Variants in SCOC observed in about 807,000 individuals in gnomAD.
SCOC encodes short coiled-coil protein.
SCOC carries 7 observed loss-of-function variants against 9.9 expected under a neutral mutation model. The observed-to-expected ratio is 0.71, with a 90% CI of 0.40 to 1.33. SCOC has a LOEUF of 1.33. Ranked by LOEUF, SCOC falls within the 40% of genes most tolerant of loss-of-function variation. SCOC has a pLI of 0.01. For missense variants in SCOC, 66 were observed against 89.7 expected (o/e 0.74, Z 1.07); for synonymous variants, 19 against 28.2 (o/e 0.67, Z 1.03).
At chr4:140,315,562 C>T (rs753474066) in intron 1 of SCOC, among the ~76,000 whole-genome samples, 1 of 152,200 alleles carries the variant, frequency 6.6e-6, no homozygotes, top group Non-Finnish European at 1.5e-5. Context: ...CAGGATATTT[C>T]TGTTCCCAGT....
chr4:140,373,393 G>A (rs1382418046), upstream of SCOC: 16 of 1,461,072 alleles, frequency 1.1e-5, no homozygotes, highest in South Asian at 7.1e-5. Flanking sequence ...GCTTAGCTTC[G>A]CTTCTTTACT....
intron 1 of SCOC, among the ~76,000 whole-genome samples, chr4:140,326,903 T>C (rs1403391855): frequency 6.6e-6 from 1 of 152,206 alleles, no homozygotes; most frequent in Non-Finnish European, 1.5e-5. Flanking sequence ...TCCTGAGGCC[T>C]GTGGTCTAGT....
intron 1 of SCOC, among the ~76,000 whole-genome samples, chr4:140,304,504 C>T (rs958878331): frequency 6.6e-6 from 1 of 152,108 alleles, no homozygotes. Context: ...CACAAAGAGG[C>T]CTGTTGCGAT....
intron 1 of SCOC, among the ~76,000 whole-genome samples, chr4:140,309,407 G>A (rs2126464778): frequency 6.6e-6 from 1 of 152,280 alleles, no homozygotes; most frequent in Non-Finnish European, 1.5e-5. Flanking sequence ...TGGGAAGTGT[G>A]CTGGAGAAGT....
At chr4:140,370,597 AATT>A (rs749837686), upstream of SCOC, among the ~76,000 whole-genome samples, 3 of 152,186 alleles carry the variant, frequency 2.0e-5, no homozygotes, top group Non-Finnish European at 4.4e-5. Flanking sequence ...TGTATACTTA[AATT>A]ATCTGTATAG....
intron 2 of SCOC, chr4:140,366,277 GAGCTTT>G: frequency 2.9e-6 from 4 of 1,382,542 alleles, no homozygotes; most frequent in South Asian, 1.8e-5. Flanking sequence ...TTCTGGGCTG[GAGCTTT>G]TTGACCCTTC....
At chr4:140,264,586 G>A (rs1270460059) in intron 1 of SCOC, among the ~76,000 whole-genome samples, 1 of 152,122 alleles carries the variant, frequency 6.6e-6, no homozygotes, top group African/African-American at 2.4e-5. Flanking sequence ...CATTGGCAGG[G>A]ACTTCTTTTG....
chr4:140,330,649 T>C (rs1282865890), intron 1 of SCOC, among the ~76,000 whole-genome samples: 1 of 152,190 alleles, frequency 6.6e-6, no homozygotes, highest in African/African-American at 2.4e-5. Flanking sequence ...TGAAAATTTA[T>C]TGAAGTCAGA....
At chr4:140,282,063 T>C (rs1251868634) in intron 1 of SCOC, among the ~76,000 whole-genome samples, 1 of 152,214 alleles carries the variant, frequency 6.6e-6, no homozygotes, top group African/African-American at 2.4e-5. Context: ...CCATGGCCTT[T>C]GGAGGGATTT....
rs182687343 is a variant in SCOC at position 140,382,534 on chromosome 4, A to G, written c.*1430A>G. ...TGTTGCAGTTCTGCTTTGCCGTTTA[A>G]TAAAAAGCTATTTCAGAGGTTGTGT... On this transcript the variant is annotated 3_prime_UTR_variant, in exon 4 of 4. Transcript: ENST00000608372. 1.3e-5 allele frequency: 2 copies of G among 152,758 alleles called. No homozygotes were observed. Among genetic ancestry groups the G allele is most frequent in the East Asian group, 3.9e-4 (2 of 5,184 alleles). The allele number at this position is 152,758 out of a possible 1,614,324, so 9.5% of individuals were successfully genotyped here.
At chr4:140,343,405 G>A (rs1341109413), upstream of SCOC, 3 of 415,740 alleles carry the variant, frequency 7.2e-6, no homozygotes, top group Non-Finnish European at 1.3e-5. Context: ...AGCAGCCTCC[G>A]GTCAAGGGTT....
chr4:140,363,121 T>A (rs1299115991), intron 2 of SCOC, among the ~76,000 whole-genome samples: 1 of 152,182 alleles, frequency 6.6e-6, no homozygotes, highest in Non-Finnish European at 1.5e-5. Flanking sequence ...TGTATAGGCA[T>A]CTACAGGGGC....
chr4:140,326,137 T>C (rs945963866), intron 1 of SCOC, among the ~76,000 whole-genome samples: 3 of 152,200 alleles, frequency 2.0e-5, no homozygotes, highest in African/African-American at 7.2e-5. Context: ...ACTATAGGGA[T>C]AGAAAACAGG....
chr4:140,332,668 C>T (rs558491845), intron 1 of SCOC, among the ~76,000 whole-genome samples: 3 of 152,216 alleles, frequency 2.0e-5, no homozygotes, highest in East Asian at 1.9e-4. Context: ...TAAGCCACCG[C>T]GCCCGGCCTG....
In SCOC at chr4:140,361,517, G is replaced by A. The variant is rs186078465; in HGVS notation, c.71-17604G>A. 9.2e-5 allele frequency among the ~76,000 whole-genome samples: 14 copies of A among 152,080 alleles called. No individual in the cohort carries two copies. The East Asian group carries it at 2.3e-3, about 25-fold the overall frequency. On this transcript the variant is annotated intron_variant, in intron 2 of 4. Coordinates refer to the SCOC transcript ENST00000338517. ...CATCTCTACAAGAAATAAGATTAGC[G>A]AGGCATGGTTCTGTGCCTGTAGTCC... is the stretch of plus-strand genomic sequence containing the variant.
intron 1 of SCOC, among the ~76,000 whole-genome samples, chr4:140,287,872 C>A (rs1012174001): frequency 1.3e-5 from 2 of 152,028 alleles, no homozygotes; most frequent in African/African-American, 2.4e-5. Flanking sequence ...CAGACATATG[C>A]ATGCACACAT....
intron 1 of SCOC, among the ~76,000 whole-genome samples, chr4:140,330,697 T>A (rs1453613222): frequency 6.6e-6 from 1 of 152,214 alleles, no homozygotes; most frequent in Non-Finnish European, 1.5e-5. Context: ...AGTAGACATG[T>A]TTTAATAGTA....
intron 2 of SCOC, among the ~76,000 whole-genome samples, chr4:140,346,401 G>A (rs1451036669): frequency 1.3e-5 from 2 of 152,118 alleles, no homozygotes; most frequent in East Asian, 1.9e-4. Flanking sequence ...GAAAGGCCTC[G>A]AGTCCCCGGC....
intron 1 of SCOC, among the ~76,000 whole-genome samples, chr4:140,320,733 A>T (rs934108600): frequency 2.6e-5 from 4 of 152,166 alleles, no homozygotes; most frequent in Non-Finnish European, 5.9e-5. Context: ...TTCCCTACCC[A>T]ACAAAGCTTT....
Sources: allele counts gnomAD v4.1 joint callset (sites outside exome capture counted in the v4.1 genomes callset), GRCh38; gene constraint gnomAD v4.1.1; transcripts MANE v1.5; gene names NCBI Gene and HGNC (gene_info 2026-07-23, HGNC 2026-07-21).